The following PDCD4 variants were observed in gnomAD, a reference collection of about 807,000 sequenced individuals.
PDCD4 encodes the protein programmed cell death protein 4.
A neutral mutation model predicts 54.0 loss-of-function variants in PDCD4; 56 were observed. That is an observed-to-expected ratio of 1.04 (90% CI 0.84 to 1.30). PDCD4 has a LOEUF of 1.30. Among genes scored for constraint, PDCD4 ranks in the 50% most tolerant of loss-of-function variants. The probability of loss-of-function intolerance (pLI) is 0.00; values close to 1 mark genes in which losing one functional copy is unlikely to be tolerated. For missense variants in PDCD4, 584 were observed against 559.8 expected (o/e 1.04, Z -0.44); for synonymous variants, 186 against 194.8 (o/e 0.95, Z 0.37).
At chr10:110,897,980 A>T in intron 11 of PDCD4, 48 bp from the exon 12 acceptor site, 2 of 1,336,888 alleles carry the variant, frequency 1.5e-6, no homozygotes, top group Non-Finnish European at 1.0e-6. Flanking sequence ...TATTGACTAT[A>T]GTCAGAATTT....
In PDCD4 at chr10:110,899,643, C is replaced by T. The variant is rs1045735530; in HGVS notation, c.*1555C>T. ...AGAAACCCTGTCTCTATTAAAAATA[C>T]AAAAGTAGCCAGGCATGGTGGCGCA... On this transcript the variant is annotated 3_prime_UTR_variant, in exon 12 of 12. Coordinates refer to ENST00000280154, the MANE Select transcript of PDCD4 (RefSeq NM_014456.5). 2.0e-5 allele frequency: 3 copies of T among 152,056 alleles called. No homozygotes were observed. Among genetic ancestry groups the T allele is most frequent in the Non-Finnish European group, 4.4e-5 (3 of 68,032 alleles). 9.4% of individuals were successfully genotyped at this position (152,056 alleles called of 1,614,324 possible).
At chr10:110,892,565 A>G (rs1845771848) in intron 8 of PDCD4, among the ~76,000 whole-genome samples, 2 of 152,230 alleles carry the variant, frequency 1.3e-5, no homozygotes, top group Admixed American at 1.3e-4. Flanking sequence ...AGTAAGTAAT[A>G]TAATTTGAAT....
Position 110,881,451 on chromosome 10 carries a change from G to A in PDCD4, c.262G>A (p.Gly88Arg). ...SDSGSDALRSGLTVPTSPKGR... is the reference protein window; with the variant it reads ...SDSGSDALRSRLTVPTSPKGR... Reference sequence around the variant, plus strand: ...CAGTGGGAGTGACGCCCTTAGAAGTGGATTAACTGTGCCAACCAGTCCAAA... The same window carrying A: ...CAGTGGGAGTGACGCCCTTAGAAGTAGATTAACTGTGCCAACCAGTCCAAA... The change falls in exon 3 of 12, where the codon GGA (glycine) becomes AGA (arginine). Residue 88 changes from glycine (G) to arginine (R), a missense_variant. Coordinates refer to ENST00000280154, the MANE Select transcript of PDCD4 (RefSeq NM_014456.5). The A allele has an allele frequency of 6.2e-7, 1 of 1,614,120 alleles. No homozygotes were observed. The highest frequency in any genetic ancestry group is 8.5e-7 in the Non-Finnish European group (1 of 1,180,028).
At chr10:110,888,094 G>A (rs1171881579) in intron 6 of PDCD4, among the ~76,000 whole-genome samples, 5 of 147,952 alleles carry the variant, frequency 3.4e-5, no homozygotes, top group African/African-American at 1.2e-4. Flanking sequence ...TAAATTTAAT[G>A]TTATCTTGTA....
At chr10:110,873,132 A>G (rs557248037) in intron 1 of PDCD4, among the ~76,000 whole-genome samples, 2 of 152,338 alleles carry the variant, frequency 1.3e-5, no homozygotes, top group Admixed American at 1.3e-4. Context: ...ATATTCCTTC[A>G]TTATAGGCTT....
At chr10:110,897,043 C>A (rs1254228049) in intron 11 of PDCD4, among the ~76,000 whole-genome samples, 1 of 152,204 alleles carries the variant, frequency 6.6e-6, no homozygotes, top group African/African-American at 2.4e-5. Context: ...CTTTGGCCTT[C>A]TTATTATTGA....
At chr10:110,872,782 A>C (rs1212902830) in intron 1 of PDCD4, among the ~76,000 whole-genome samples, 2 of 152,200 alleles carry the variant, frequency 1.3e-5, no homozygotes, top group Non-Finnish European at 2.9e-5. Context: ...AAAGCCGGGA[A>C]GGGAGCCCCC....
chr10:110,880,843 A>C (rs1845579408), intron 2 of PDCD4, among the ~76,000 whole-genome samples: 1 of 152,194 alleles, frequency 6.6e-6, no homozygotes, highest in Non-Finnish European at 1.5e-5. Context: ...TCTTCTCAAG[A>C]TGCTTTGTCT....
intron 2 of PDCD4, among the ~76,000 whole-genome samples, chr10:110,878,107 A>G (rs926033265): frequency 1.3e-5 from 2 of 152,226 alleles, no homozygotes; most frequent in African/African-American, 2.4e-5. Context: ...TTTGAAGTCA[A>G]TCACATTCTG....
intron 5 of PDCD4, 21 bp downstream of exon 5, chr10:110,885,387 A>G (rs1845654990): frequency 1.8e-6 from 2 of 1,109,110 alleles, no homozygotes; most frequent in South Asian, 1.3e-5. Flanking sequence ...AGTTGCAAGT[A>G]TAATTTATTT....
At chr10:110,884,174 G>T (rs543936136) in intron 4 of PDCD4, among the ~76,000 whole-genome samples, 1 of 152,246 alleles carries the variant, frequency 6.6e-6, no homozygotes, top group South Asian at 2.1e-4. Flanking sequence ...ACCTCATCCT[G>T]CCCAGGATGT....
At chr10:110,888,189 T>A (rs191730085) in intron 6 of PDCD4, among the ~76,000 whole-genome samples, 3 of 152,070 alleles carry the variant, frequency 2.0e-5, no homozygotes, top group Admixed American at 2.0e-4. Flanking sequence ...AGTTGTTTTA[T>A]TAGCTAAGAT....
Position 110,890,677 on chromosome 10 carries a change from A to AT in PDCD4, c.990+9dup. 6.5e-7 allele frequency: 1 copy of AT among 1,529,252 alleles called. No homozygotes were observed. Among genetic ancestry groups the AT allele is most frequent in the Non-Finnish European group, 9.1e-7 (1 of 1,104,720 alleles). 94.7% of individuals were successfully genotyped at this position (1,529,252 alleles called of 1,614,324 possible). On this transcript the variant is annotated splice_region_variant and intron_variant, in intron 8 of 11. Transcript: ENST00000280154. ...CAATCACCTTGTTAAAGAGGTAATG[A>AT]TTGGGTATTGTTTTTAACTTAATTT...
chr10:110,879,630 G>A (rs535556275), intron 2 of PDCD4, among the ~76,000 whole-genome samples: 163 of 150,542 alleles, frequency 1.1e-3, no homozygotes, highest in African/African-American at 3.1e-3. Context: ...TCCAGCCTGG[G>A]TGACAGAGCG....
chr10:110,894,131 T>C lies in PDCD4; in HGVS notation c.1031T>C (p.Ile344Thr). 1 of 1,609,382 alleles carries C rather than the reference T, an allele frequency of 6.2e-7. No individual in the cohort carries two copies. The highest frequency in any genetic ancestry group is 1.3e-5 in the African/African-American group (1 of 74,940). ...LLKEYLLSGD[I>T]SEAEHCLKEL... ...AAAGAATATTTACTCTCTGGAGACA[T>C]ATCTGAAGCTGAACATTGCCTTAAG... Residue 344 changes from isoleucine to threonine, a missense_variant, in exon 9 of 12, where the codon ATA (isoleucine) becomes ACA (threonine). By Grantham distance (89) the Ile-to-Thr change is moderately conservative. Coordinates refer to ENST00000280154, the MANE Select transcript of PDCD4 (RefSeq NM_014456.5).
Position 110,889,614 on chromosome 10 carries a change from G to T in PDCD4, c.859G>T (p.Asp287Tyr), listed in dbSNP as rs368436688. 1.3e-6 allele frequency: 2 copies of T among 1,587,948 alleles called. No homozygotes were observed. Among genetic ancestry groups the T allele is most frequent in the African/African-American group, 2.7e-5 (2 of 74,284 alleles). The change falls in exon 7 of 12, where the codon GAT becomes TAT. Residue 287 changes from aspartate (D) to tyrosine (Y), a missense_variant. Transcript: ENST00000280154. ...TATTGATAGTTACAAAGGAACTGTA[G>T]ATTGTGTGCAGGCTAGGTAAGTAAA... ...TYIDSYKGTV[D>Y]CVQARAALDK... is the part of the protein sequence containing the mutation.
intron 5 of PDCD4, among the ~76,000 whole-genome samples, chr10:110,886,073 CAA>C (rs747601592): frequency 1.1e-4 from 16 of 152,092 alleles, no homozygotes; most frequent in Non-Finnish European, 2.4e-4. Flanking sequence ...GAATATAAGA[CAA>C]ATATTTGTTC....
Position 110,881,467 on chromosome 10 carries a change from C to T in PDCD4, c.278C>T (p.Thr93Ile), listed in dbSNP as rs1845590638. 6.2e-7 allele frequency: 1 copy of T among 1,614,020 alleles called. No homozygotes were observed. Among genetic ancestry groups the T allele is most frequent in the Admixed American group, 1.7e-5 (1 of 59,996 alleles). Residue 93 changes from threonine (T) to isoleucine (I), a missense_variant, in exon 3 of 12, where the codon ACC becomes ATC. By Grantham distance (89) the Thr-to-Ile change is moderately conservative. Coordinates refer to ENST00000280154, the MANE Select transcript of PDCD4 (RefSeq NM_014456.5). The part of the protein sequence containing the change: ...DALRSGLTVP[T>I]SPKGRLLDRR... ...CTTAGAAGTGGATTAACTGTGCCAACCAGTCCAAAGGGAAGGTTGCTGGAT... is the reference window on the plus strand; with the variant it reads ...CTTAGAAGTGGATTAACTGTGCCAATCAGTCCAAAGGGAAGGTTGCTGGAT...
chr10:110,887,006 A>G (rs914935721), intron 5 of PDCD4, among the ~76,000 whole-genome samples: 1 of 152,292 alleles, frequency 6.6e-6, no homozygotes, highest in South Asian at 2.1e-4. Context: ...AATTCTCATA[A>G]AACAATATTT....
Sources: allele counts gnomAD v4.1 joint callset (sites outside exome capture counted in the v4.1 genomes callset), GRCh38; gene constraint gnomAD v4.1.1; transcripts MANE v1.5; gene names NCBI Gene and HGNC (gene_info 2026-07-23, HGNC 2026-07-21).